The following DLGAP1 variants were observed in gnomAD, a reference collection of about 807,000 sequenced individuals.
DLGAP1 encodes DLG associated protein 1.
DLGAP1 carries 11 observed loss-of-function variants against 90.8 expected under a neutral mutation model. The observed-to-expected ratio is 0.12, with a 90% CI of 0.08 to 0.20. The LOEUF (loss-of-function observed/expected upper bound fraction) is 0.20, where lower values mean the gene tolerates loss of function less well. Among genes scored for constraint, DLGAP1 ranks in the 10% least tolerant of loss-of-function variants. The pLI, the probability that DLGAP1 is intolerant of heterozygous loss-of-function variation, is 1.00. For missense variants in DLGAP1, 1,050 were observed against 1,333.8 expected (o/e 0.79, Z 3.31); for synonymous variants, 558 against 540.7 (o/e 1.03, Z -0.44).
chr18:4,412,549 T>C (rs1369436338), intron 1 of DLGAP1, among the ~76,000 whole-genome samples: 2 of 152,156 alleles, frequency 1.3e-5, no homozygotes, highest in South Asian at 4.1e-4. Flanking sequence ...TGGCTAGAGC[T>C]GAGAGGATGG....
At chr18:4,065,316 G>A (rs914890646) in intron 2 of DLGAP1, among the ~76,000 whole-genome samples, 2 of 151,588 alleles carry the variant, frequency 1.3e-5, no homozygotes, top group Non-Finnish European at 3.0e-5. Context: ...GTAGTGTTCT[G>A]GCCAGGGAAA....
intron 8 of DLGAP1, among the ~76,000 whole-genome samples, chr18:3,574,050 C>A (rs1326466306): frequency 6.6e-6 from 1 of 152,200 alleles, no homozygotes; most frequent in East Asian, 1.9e-4. Flanking sequence ...TAGTAATATA[C>A]ATGAGTGTAC....
At chr18:3,946,088 T>C (rs141777814) in intron 3 of DLGAP1, among the ~76,000 whole-genome samples, 32 of 152,158 alleles carry the variant, frequency 2.1e-4, no homozygotes, top group Non-Finnish European at 3.7e-4. Context: ...ATTTGTCTGA[T>C]TAGAGATTTT....
intron 3 of DLGAP1, among the ~76,000 whole-genome samples, chr18:3,990,803 G>C (rs1249159123): frequency 6.6e-6 from 1 of 151,886 alleles, no homozygotes; most frequent in Non-Finnish European, 1.5e-5. Flanking sequence ...GTTTGACCAA[G>C]ACAACATAGT....
At chr18:3,968,204 A>G (rs972131838) in intron 3 of DLGAP1, among the ~76,000 whole-genome samples, 7 of 152,180 alleles carry the variant, frequency 4.6e-5, no homozygotes, top group Admixed American at 2.0e-4. Flanking sequence ...TTTCTCCTGT[A>G]TCTTAAATCC....
At chr18:3,866,351 T>A (rs2070382602) in intron 4 of DLGAP1, among the ~76,000 whole-genome samples, 1 of 152,200 alleles carries the variant, frequency 6.6e-6, no homozygotes, top group Non-Finnish European at 1.5e-5. Context: ...AGTGGGCTTA[T>A]TAAGAACAGA....
At chr18:4,234,098 T>C (rs1378748455) in intron 1 of DLGAP1, among the ~76,000 whole-genome samples, 2 of 150,624 alleles carry the variant, frequency 1.3e-5, no homozygotes, top group African/African-American at 2.5e-5. Flanking sequence ...AGTTTCTTTT[T>C]TGCTATTTTT....
intron 8 of DLGAP1, among the ~76,000 whole-genome samples, chr18:3,568,339 TAAA>T (rs2145139998): frequency 6.6e-6 from 1 of 152,302 alleles, no homozygotes; most frequent in South Asian, 2.1e-4. Flanking sequence ...TTTCTCCCCT[TAAA>T]TAAAGAATTG....
At chr18:4,041,460 C>T (rs2074973582) in intron 2 of DLGAP1, among the ~76,000 whole-genome samples, 1 of 152,112 alleles carries the variant, frequency 6.6e-6, no homozygotes, top group Non-Finnish European at 1.5e-5. Context: ...GTCCTGGTGT[C>T]TTCTTTAGGT....
At chr18:4,117,169 A>C (rs1306230896) in intron 2 of DLGAP1, among the ~76,000 whole-genome samples, 2 of 152,178 alleles carry the variant, frequency 1.3e-5, no homozygotes, top group African/African-American at 4.8e-5. Flanking sequence ...CTACAAGTTA[A>C]GGAGAGAGGG....
intron 1 of DLGAP1, among the ~76,000 whole-genome samples, chr18:4,313,957 T>C (rs1293237267): frequency 6.6e-6 from 1 of 152,174 alleles, no homozygotes; most frequent in Admixed American, 6.5e-5. Context: ...GAACTATCCT[T>C]CTTTGCCATG....
At chr18:3,647,551 C>T (rs1639341) in intron 7 of DLGAP1, among the ~76,000 whole-genome samples, 188 of 151,654 alleles carry the variant, frequency 1.2e-3, no homozygotes, top group African/African-American at 4.3e-3. Flanking sequence ...CTGCAACCTC[C>T]GCTTCTGGGG....
intron 2 of DLGAP1, among the ~76,000 whole-genome samples, chr18:4,142,528 T>C (rs2076512080): frequency 6.6e-6 from 1 of 152,220 alleles, no homozygotes; most frequent in South Asian, 2.1e-4. Context: ...AAATAGATTT[T>C]AGTATCTTAC....
chr18:4,093,970 G>A (rs565243510), intron 2 of DLGAP1, among the ~76,000 whole-genome samples: 5 of 151,942 alleles, frequency 3.3e-5, no homozygotes, highest in African/African-American at 1.2e-4. Flanking sequence ...AATTTAAGAC[G>A]CTCCACTTAT....
chr18:3,821,024 C>T (rs184793055), intron 4 of DLGAP1, among the ~76,000 whole-genome samples: 1 of 152,306 alleles, frequency 6.6e-6, no homozygotes, highest in East Asian at 1.9e-4. Flanking sequence ...ATGGCTCATG[C>T]CTGTAATCCT....
intron 7 of DLGAP1, among the ~76,000 whole-genome samples, chr18:3,633,185 C>G (rs191619287): frequency 1.3e-5 from 2 of 152,200 alleles, no homozygotes; most frequent in African/African-American, 4.8e-5. Context: ...ATCATTCGGT[C>G]AAGACATTGA....
At chr18:3,980,282 G>A (rs1023102112) in intron 3 of DLGAP1, among the ~76,000 whole-genome samples, 6 of 152,170 alleles carry the variant, frequency 3.9e-5, no homozygotes, top group Non-Finnish European at 7.3e-5. Flanking sequence ...CAGAACCTAC[G>A]GCCTCAAGTG....
chr18:4,142,154 C>T (rs1042962092), intron 2 of DLGAP1, among the ~76,000 whole-genome samples: 28 of 152,158 alleles, frequency 1.8e-4, no homozygotes, highest in African/African-American at 6.8e-4. Flanking sequence ...TGTCCTTGGA[C>T]ATTCTTACCA....
chr18:3,586,760 C>G (rs2055912255), intron 7 of DLGAP1, among the ~76,000 whole-genome samples: 1 of 152,334 alleles, frequency 6.6e-6, no homozygotes, highest in South Asian at 2.1e-4. Flanking sequence ...CCCAACATCC[C>G]CCTTTCCTAG....
Sources: allele counts gnomAD v4.1 joint callset (sites outside exome capture counted in the v4.1 genomes callset), GRCh38; gene constraint gnomAD v4.1.1; transcripts MANE v1.5; gene names NCBI Gene and HGNC (gene_info 2026-07-23, HGNC 2026-07-21).